TRPM3: variants seen among roughly 807,000 people sequenced by gnomAD.
The protein encoded by TRPM3 is transient receptor potential cation channel subfamily M member 3.
TRPM3 carries 77 observed loss-of-function variants against 181.2 expected under a neutral mutation model. The observed-to-expected ratio is 0.42, with a 90% CI of 0.35 to 0.51. The LOEUF is 0.51. Among genes scored for constraint, TRPM3 ranks in the 20% least tolerant of loss-of-function variants. TRPM3 has a pLI of 0.01. For synonymous variants in TRPM3, 745 were observed against 796.4 expected, an observed-to-expected ratio of 0.94 and a Z score of 1.09; for missense variants, 1,759 against 2,196.7, an observed-to-expected ratio of 0.80 and a Z score of 3.98.
intron 1 of TRPM3, among the ~76,000 whole-genome samples, chr9:71,279,034 T>TAAA (rs200421016): frequency 3.8e-3 from 180 of 47,558 alleles, no homozygotes; most frequent in African/African-American, 4.9e-3. Flanking sequence ...CCTGCTTAGG[T>TAAA]TAAAAAAAAT....
chr9:70,668,717 A>G (rs2062324167), intron 9 of TRPM3, among the ~76,000 whole-genome samples: 1 of 148,262 alleles, frequency 6.7e-6, no homozygotes, highest in Non-Finnish European at 1.5e-5. Context: ...TAACTTCTAT[A>G]TTAGTTGTTA....
At chr9:70,546,665 ACTC>A (rs1208561987) in intron 25 of TRPM3, among the ~76,000 whole-genome samples, 2 of 144,980 alleles carry the variant, frequency 1.4e-5, no homozygotes, top group African/African-American at 5.2e-5. Context: ...AGAGTCCACA[ACTC>A]CTCATCGGAA....
intron 8 of TRPM3, among the ~76,000 whole-genome samples, chr9:70,740,249 G>A (rs1257043203): frequency 1.3e-5 from 2 of 152,014 alleles, no homozygotes; most frequent in East Asian, 3.9e-4. Flanking sequence ...AAATACTTAG[G>A]AATATACCTA....
chr9:71,121,365 T>C lies in TRPM3; in HGVS notation c.-11A>G. 6.2e-7 allele frequency: 1 copy of C among 1,612,458 alleles called. No individual in the cohort carries two copies. The highest frequency in any genetic ancestry group is 8.5e-7 in the Non-Finnish European group (1 of 1,179,522). On this transcript the variant is annotated 5_prime_UTR_variant, in exon 1 of 26. An upstream start codon of the reference 5' UTR is lost. Transcript: ENST00000677713. Reference sequence around the variant, plus strand: ...CCACGGCTCTGGCATCCCATGGTCATCTCCACACCTGCAAATTCCATTAGG... The same window carrying C: ...CCACGGCTCTGGCATCCCATGGTCACCTCCACACCTGCAAATTCCATTAGG...
At chr9:71,367,547 A>G (rs911752919) in intron 1 of TRPM3, among the ~76,000 whole-genome samples, 3 of 152,194 alleles carry the variant, frequency 2.0e-5, no homozygotes, top group South Asian at 4.1e-4. Context: ...AGAATATTAC[A>G]TGAGGACAAA....
At chr9:70,926,014 A>G (rs1363954185) in intron 1 of TRPM3, among the ~76,000 whole-genome samples, 2 of 151,786 alleles carry the variant, frequency 1.3e-5, no homozygotes, top group Non-Finnish European at 2.9e-5. Flanking sequence ...AAAAAAAACA[A>G]ACAAAAGCCA....
chr9:71,417,220 A>C (rs2131501346), intron 1 of TRPM3, among the ~76,000 whole-genome samples: 1 of 152,064 alleles, frequency 6.6e-6, no homozygotes, highest in African/African-American at 2.4e-5. Context: ...TGTTTTCTAA[A>C]GCATTCTGAA....
chr9:71,277,636 TCTC>T (rs149060750), intron 1 of TRPM3, among the ~76,000 whole-genome samples: 3,324 of 152,216 alleles, frequency 0.022, 49 homozygotes, highest in South Asian at 0.038. Flanking sequence ...TGCAAAATAT[TCTC>T]CTGATCATGT....
At chr9:71,372,820 C>T (rs1035400721) in intron 1 of TRPM3, among the ~76,000 whole-genome samples, 10 of 152,068 alleles carry the variant, frequency 6.6e-5, no homozygotes, top group African/African-American at 2.4e-4. Context: ...CTTCAAGAGA[C>T]CCAACACATT....
chr9:70,894,930 T>C (rs2096261894), intron 1 of TRPM3, among the ~76,000 whole-genome samples: 1 of 152,144 alleles, frequency 6.6e-6, no homozygotes, highest in Admixed American at 6.5e-5. Context: ...GGAAAAAAGT[T>C]TTGCCGTCAG....
intron 25 of TRPM3, among the ~76,000 whole-genome samples, chr9:70,543,236 ATATT>A (rs1296007125): frequency 6.6e-6 from 1 of 152,170 alleles, no homozygotes; most frequent in Non-Finnish European, 1.5e-5. Context: ...GTAGGTGTAT[ATATT>A]TATGGAGTAC....
At position 70,956,949 on chromosome 9, in the gene TRPM3, ATTTC is replaced by A. The variant is rs1442345291; in HGVS notation, c.178-92442_178-92439del. Among the ~76,000 whole-genome samples, 18 of 138,586 alleles carry A rather than the reference ATTTC, an allele frequency of 1.3e-4. 1 individual carries two copies. Among genetic ancestry groups the A allele is most frequent in the Middle Eastern group, 3.7e-3 (1 of 270 alleles). The allele number at this position is 138,586 out of a possible 152,430, so 90.9% of individuals were successfully genotyped here. A position where few individuals can be genotyped will look rare whatever the true frequency, so the allele number is the denominator to read the frequency against. ...TAAAAAAAATTTTAATTTTAGTTAC[ATTTC>A]TTTCTTTCTTTTTTTTTTTTTTTTT... On this transcript the variant is annotated intron_variant, in intron 1 of 25. Transcript: ENST00000677713.
At chr9:71,408,567 A>C (rs1348216287) in intron 1 of TRPM3, among the ~76,000 whole-genome samples, 2 of 152,228 alleles carry the variant, frequency 1.3e-5, no homozygotes, top group African/African-American at 2.4e-5. Flanking sequence ...AAGAGTAAAA[A>C]GAAATGAACA....
intron 1 of TRPM3, among the ~76,000 whole-genome samples, chr9:71,000,829 C>A (rs1328256494): frequency 6.6e-6 from 1 of 152,140 alleles, no homozygotes; most frequent in Non-Finnish European, 1.5e-5. Flanking sequence ...AAATAAAAAT[C>A]TTCACAGAAT....
At chr9:71,165,996 T>G (rs10746862) in intron 1 of TRPM3, among the ~76,000 whole-genome samples, 61,938 of 151,946 alleles carry the variant, frequency 0.41, 12,881 homozygotes, top group East Asian at 0.52. Context: ...CAATACACTC[T>G]TGATGAAAAT....
chr9:71,406,117 TACA>T (rs2093431699), intron 1 of TRPM3, among the ~76,000 whole-genome samples: 3 of 152,098 alleles, frequency 2.0e-5, no homozygotes, highest in Non-Finnish European at 2.9e-5. Flanking sequence ...CTACTAAAAA[TACA>T]ACAACAACAC....
At chr9:71,017,415 T>C (rs1323928267) in intron 1 of TRPM3, among the ~76,000 whole-genome samples, 4 of 151,580 alleles carry the variant, frequency 2.6e-5, no homozygotes, top group Non-Finnish European at 5.9e-5. Context: ...TAAAAACAAA[T>C]AAGAAAACAA....
At chr9:70,992,669 CT>C (rs1354266976) in intron 1 of TRPM3, among the ~76,000 whole-genome samples, 1 of 152,144 alleles carries the variant, frequency 6.6e-6, no homozygotes, top group African/African-American at 2.4e-5. Context: ...ATTTTTAATT[CT>C]ATTTAATTTT....
chr9:71,062,798 C>T (rs549662411), intron 1 of TRPM3, among the ~76,000 whole-genome samples: 1 of 152,086 alleles, frequency 6.6e-6, no homozygotes, highest in African/African-American at 2.4e-5. Context: ...TTCAGCTCCC[C>T]TCCCCTCTCA....
Sources: gnomAD v4.1 joint callset for allele counts (sites outside exome capture counted in the v4.1 genomes callset) on GRCh38, gnomAD v4.1.1 for gene constraint, MANE v1.5 for transcripts, NCBI Gene and HGNC (gene_info 2026-07-23, HGNC 2026-07-21) for gene names.